Variants in GTF2E2 observed in about 807,000 individuals in gnomAD.
GTF2E2 encodes the protein general transcription factor IIE subunit 2.
In GTF2E2, 21 loss-of-function variants were observed where a neutral mutation model predicts 40.5. The ratio of observed to expected loss-of-function variants is 0.52; its 90% confidence interval spans 0.37 to 0.75. The LOEUF (loss-of-function observed/expected upper bound fraction) is 0.75. GTF2E2 is among the 30% of genes least tolerant of loss of function. The probability of loss-of-function intolerance (pLI) is 0.00; values close to 1 mark genes in which losing one functional copy is unlikely to be tolerated. For synonymous variants in GTF2E2, 117 were observed against 121.6 expected, an observed-to-expected ratio of 0.96 and a Z score of 0.25; for missense variants, 298 against 338.4, an observed-to-expected ratio of 0.88 and a Z score of 0.94.
chr8:30,606,784 T>C (rs534285937), intron 6 of GTF2E2, among the ~76,000 whole-genome samples: 5 of 152,164 alleles, frequency 3.3e-5, no homozygotes, highest in African/African-American at 1.2e-4. Context: ...GATAAAGAAA[T>C]AAACCCGTTT....
chr8:30,602,820 A>G (rs1442065980), intron 6 of GTF2E2, among the ~76,000 whole-genome samples: 1 of 151,616 alleles, frequency 6.6e-6, no homozygotes, highest in Non-Finnish European at 1.5e-5. Context: ...GAAAAAAACT[A>G]AAGTCCTTCC....
At position 30,586,169 on chromosome 8, in the gene GTF2E2, C is replaced by G. The variant is rs554894947; in HGVS notation, c.644-5773G>C. On this transcript the variant is annotated intron_variant, in intron 6 of 7. Transcript: ENST00000355904. ...TTCCTTTAACAACACGTGTTATTAA[C>G]GTGACTTTTTATCCTCAAAAGTGTC... 4.6e-5 allele frequency among the ~76,000 whole-genome samples: 7 copies of G among 152,258 alleles called. No individual in the cohort carries two copies. The South Asian group carries it at 1.5e-3, about 32-fold the overall frequency.
At chr8:30,651,976 A>T (rs1802293137) in intron 2 of GTF2E2, among the ~76,000 whole-genome samples, 1 of 152,216 alleles carries the variant, frequency 6.6e-6, no homozygotes, top group African/African-American at 2.4e-5. Flanking sequence ...CAGGGGAAAG[A>T]TCATCATTTC....
intron 6 of GTF2E2, among the ~76,000 whole-genome samples, chr8:30,591,052 G>A (rs1441634489): frequency 6.6e-6 from 1 of 151,986 alleles, no homozygotes; most frequent in Non-Finnish European, 1.5e-5. Context: ...ACAACCCACA[G>A]AATGGAAAAA....
chr8:30,640,462 TAAAAC>T (rs1268160792), intron 2 of GTF2E2, among the ~76,000 whole-genome samples: 8 of 152,106 alleles, frequency 5.3e-5, no homozygotes, highest in Non-Finnish European at 1.5e-5. Flanking sequence ...AAAATTAACA[TAAAAC>T]AAAACTAAAA....
chr8:30,643,800 G>C (rs183129134), intron 2 of GTF2E2: 131 of 151,566 alleles, frequency 8.6e-4, no homozygotes, highest in African/African-American at 3.1e-3. Flanking sequence ...GCATCTGCAA[G>C]GCTAGTAAGA....
At chr8:30,625,464 C>T (rs1404057689) in intron 3 of GTF2E2, among the ~76,000 whole-genome samples, 1 of 152,086 alleles carries the variant, frequency 6.6e-6, no homozygotes, top group East Asian at 1.9e-4. Context: ...TAAACATTTT[C>T]TAAATTTCTC....
intron 3 of GTF2E2, among the ~76,000 whole-genome samples, chr8:30,623,905 A>G (rs1436991569): frequency 2.6e-5 from 4 of 151,792 alleles, no homozygotes; most frequent in Non-Finnish European, 5.9e-5. Flanking sequence ...TAGATTCTGG[A>G]TATCAGCCCT....
intron 3 of GTF2E2, among the ~76,000 whole-genome samples, chr8:30,624,653 G>A (rs1801214572): frequency 1.3e-5 from 2 of 152,028 alleles, no homozygotes; most frequent in South Asian, 2.1e-4. Flanking sequence ...AGCATGGAAT[G>A]TTCTTCCATT....
chr8:30,612,368 C>T lies in GTF2E2; in HGVS notation c.480G>A (p.Gln160=), dbSNP rs1271927952. The T allele has an allele frequency of 2.5e-6, 4 of 1,613,040 alleles. No homozygotes were observed. The South Asian group carries it at 4.4e-5, about 18-fold the overall frequency. ...CTAAAAGAATTCCTCCTAATCCTCG[C>T]TGGTCATGCTGATCTAAGAGCCTAA... ...ALLRLLDQHD[Q]RGLGGILLED... The change falls in exon 5 of 8, where the codon CAG becomes CAA. Residue 160 remains glutamine, a synonymous_variant. Coordinates refer to ENST00000355904, the MANE Select transcript of GTF2E2 (RefSeq NM_002095.6).
In GTF2E2 at chr8:30,606,578, G is replaced by A. The variant is rs182077018; in HGVS notation, c.643+479C>T. The stretch of plus-strand genomic sequence containing the variant: ...AACATACGTATCATATACTTAGTAA[G>A]AGATTCAATATACAGCTTAGCATCC... On this transcript the variant is annotated intron_variant, in intron 6 of 7. Transcript: ENST00000355904. Among the ~76,000 whole-genome samples the A allele has an allele frequency of 1.3e-3, 200 of 152,270 alleles. 2 individuals are homozygous for A. The highest frequency in any genetic ancestry group is 0.012 in the South Asian group (59 of 4,834).
At chr8:30,638,611 C>T (rs1232531694) in intron 2 of GTF2E2, 1 of 152,640 alleles carries the variant, frequency 6.6e-6, no homozygotes, top group African/African-American at 2.4e-5. Flanking sequence ...ACGATACCAT[C>T]GCTTCAGCAG....
chr8:30,588,256 G>T (rs1828740771), intron 6 of GTF2E2, among the ~76,000 whole-genome samples: 1 of 152,150 alleles, frequency 6.6e-6, no homozygotes, highest in South Asian at 2.1e-4. Context: ...GTATGTTGAG[G>T]AGATGCTTGC....
chr8:30,600,389 T>G (rs892599696), intron 6 of GTF2E2, among the ~76,000 whole-genome samples: 2 of 152,236 alleles, frequency 1.3e-5, no homozygotes, highest in East Asian at 3.8e-4. Flanking sequence ...ATTACCATGT[T>G]CTTACTTTCC....
chr8:30,583,990 T>C (rs1032185875), intron 6 of GTF2E2, among the ~76,000 whole-genome samples: 1 of 151,844 alleles, frequency 6.6e-6, no homozygotes, highest in Non-Finnish European at 1.5e-5. Flanking sequence ...TATTTTTTAG[T>C]AGAGACAGGG....
At chr8:30,598,919 G>T (rs568049702) in intron 6 of GTF2E2, among the ~76,000 whole-genome samples, 43 of 152,286 alleles carry the variant, frequency 2.8e-4, no homozygotes, top group Non-Finnish European at 5.1e-4. Flanking sequence ...TGCACTTTGG[G>T]AAGCCAAGGC....
intron 6 of GTF2E2, among the ~76,000 whole-genome samples, chr8:30,586,474 T>C (rs914618959): frequency 2.0e-5 from 3 of 152,120 alleles, no homozygotes; most frequent in African/African-American, 7.2e-5. Flanking sequence ...TCCAAAGTGA[T>C]CCACAGATTC....
At chr8:30,609,085 G>A (rs1829406002) in intron 5 of GTF2E2, among the ~76,000 whole-genome samples, 1 of 152,028 alleles carries the variant, frequency 6.6e-6, no homozygotes, top group African/African-American at 2.4e-5. Flanking sequence ...GGTCAACATG[G>A]TGAAACCCCA....
intron 6 of GTF2E2, among the ~76,000 whole-genome samples, chr8:30,593,674 T>C (rs1372029064): frequency 1.3e-5 from 2 of 152,086 alleles, no homozygotes; most frequent in African/African-American, 4.8e-5. Flanking sequence ...GTTTTTATTT[T>C]TTGTAGAGAC....
Sources: allele counts gnomAD v4.1 joint callset (sites outside exome capture counted in the v4.1 genomes callset), GRCh38; gene constraint gnomAD v4.1.1; transcripts MANE v1.5; gene names NCBI Gene and HGNC (gene_info 2026-07-23, HGNC 2026-07-21).